VTI1A: variants seen among roughly 807,000 people sequenced by gnomAD.
The protein encoded by VTI1A is vesicle transport through interaction with t-SNAREs homolog 1A.
VTI1A carries 22 observed loss-of-function variants against 34.9 expected under a neutral mutation model. The observed-to-expected ratio is 0.63, with a 90% CI of 0.45 to 0.90. The LOEUF is 0.90. Among genes scored for constraint, VTI1A ranks in the 40% least tolerant of loss-of-function variants. The probability of loss-of-function intolerance (pLI) is 0.00; values close to 1 mark genes in which losing one functional copy is unlikely to be tolerated. For synonymous variants in VTI1A, 87 were observed against 97.3 expected (o/e 0.89, Z 0.62); for missense variants, 268 against 275.6 (o/e 0.97, Z 0.20).
intron 5 of VTI1A, among the ~76,000 whole-genome samples, chr10:112,579,411 G>A (rs1843835254): frequency 6.6e-6 from 1 of 152,098 alleles, no homozygotes; most frequent in Non-Finnish European, 1.5e-5. Context: ...TATAAAAAAT[G>A]GTGCATCTGG....
At chr10:112,547,555 G>T (rs1195424537) in intron 5 of VTI1A, among the ~76,000 whole-genome samples, 1 of 152,140 alleles carries the variant, frequency 6.6e-6, no homozygotes, top group Non-Finnish European at 1.5e-5. Context: ...TCCAGCCTGG[G>T]CAACAGAGGG....
intron 5 of VTI1A, among the ~76,000 whole-genome samples, chr10:112,602,898 A>T (rs942339279): frequency 6.6e-6 from 1 of 152,228 alleles, no homozygotes; most frequent in Non-Finnish European, 1.5e-5. Flanking sequence ...GTCACATAGA[A>T]CTACTTGAAA....
At chr10:112,709,807 C>T (rs1422882296) in intron 7 of VTI1A, among the ~76,000 whole-genome samples, 1 of 147,772 alleles carries the variant, frequency 6.8e-6, no homozygotes, top group Admixed American at 6.9e-5. Flanking sequence ...TCTTGTGCCT[C>T]GGCCTCCCAG....
At chr10:112,811,792 G>A (rs1472630536) in intron 7 of VTI1A, among the ~76,000 whole-genome samples, 1 of 151,194 alleles carries the variant, frequency 6.6e-6, no homozygotes, top group Non-Finnish European at 1.5e-5. Flanking sequence ...GGAATTCCTG[G>A]GCTCCTCGAG....
At chr10:112,583,396 A>G (rs1443039603) in intron 5 of VTI1A, among the ~76,000 whole-genome samples, 1 of 152,226 alleles carries the variant, frequency 6.6e-6, no homozygotes, top group Non-Finnish European at 1.5e-5. Flanking sequence ...CCGCTTTATC[A>G]GGAATGCGGT....
intron 7 of VTI1A, among the ~76,000 whole-genome samples, chr10:112,776,858 A>C (rs1275132629): frequency 6.6e-6 from 1 of 151,828 alleles, no homozygotes; most frequent in East Asian, 1.9e-4. Context: ...TTGTATTTTT[A>C]GTATAGACGG....
intron 3 of VTI1A, among the ~76,000 whole-genome samples, chr10:112,496,074 T>C (rs1406917801): frequency 6.6e-6 from 1 of 151,210 alleles, no homozygotes; most frequent in African/African-American, 2.4e-5. Context: ...AAAGCCTGAC[T>C]TGGCCAGGTG....
At chr10:112,795,390 T>G (rs1238629738) in intron 7 of VTI1A, among the ~76,000 whole-genome samples, 1 of 152,102 alleles carries the variant, frequency 6.6e-6, no homozygotes, top group Non-Finnish European at 1.5e-5. Flanking sequence ...TTAAATAATT[T>G]TTACCCTTGT....
At chr10:112,566,262 GC>G (rs1842009156) in intron 5 of VTI1A, among the ~76,000 whole-genome samples, 1 of 151,908 alleles carries the variant, frequency 6.6e-6, no homozygotes, top group East Asian at 1.9e-4. Flanking sequence ...ATTGAGACTA[GC>G]TAACATATAA....
At chr10:112,642,977 C>CT (rs58619611) in intron 5 of VTI1A, among the ~76,000 whole-genome samples, 70,042 of 120,968 alleles carry the variant, frequency 0.58, 21,636 homozygotes, top group Non-Finnish European at 0.69. Flanking sequence ...TTTTTCTTTT[C>CT]TTTTTTTTTT....
intron 7 of VTI1A, among the ~76,000 whole-genome samples, chr10:112,812,467 C>T (rs1368309116): frequency 3.9e-5 from 6 of 152,212 alleles, no homozygotes; most frequent in South Asian, 4.1e-4. Flanking sequence ...CAATACAGGC[C>T]GGCAGCCCCT....
chr10:112,851,170 G>C, the VTI1A span, among the ~76,000 whole-genome samples: 1 of 152,224 alleles, frequency 6.6e-6, no homozygotes, highest in East Asian at 1.9e-4. Context: ...ACTTAAGAGA[G>C]TGTGTGGGGT....
At chr10:112,833,362 G>A in the VTI1A span, among the ~76,000 whole-genome samples, 1 of 151,752 alleles carries the variant, frequency 6.6e-6, no homozygotes, top group Non-Finnish European at 1.5e-5. Context: ...CTCCTTCAAG[G>A]TTCCACCCAG....
At chr10:112,546,168 T>C (rs528242938) in intron 5 of VTI1A, among the ~76,000 whole-genome samples, 17 of 150,116 alleles carry the variant, frequency 1.1e-4, no homozygotes, top group Middle Eastern at 3.4e-3. Context: ...TGTATATATA[T>C]ACACACACAC....
chr10:112,751,286 G>C lies in VTI1A; in HGVS notation c.561-64004G>C, dbSNP rs147320663. Among the ~76,000 whole-genome samples the C allele has an allele frequency of 8.5e-5, 13 of 152,204 alleles. No individual in the cohort carries two copies. In the East Asian group the frequency reaches 2.5e-3, roughly 29 times the overall value. On this transcript the variant is annotated intron_variant, in intron 7 of 7. Transcript: ENST00000393077. ...TGCTGGGAATGTGGTGTGTGTTTTA[G>C]CAGAGACCCCAATGACCTGCCAGGG...
intron 7 of VTI1A, among the ~76,000 whole-genome samples, chr10:112,727,107 C>T (rs1190990197): frequency 6.6e-6 from 1 of 152,154 alleles, no homozygotes; most frequent in East Asian, 1.9e-4. Context: ...AGGTGAGTTG[C>T]ACGCAGTGGG....
At chr10:112,535,005 A>G (rs1160681157) in intron 4 of VTI1A, among the ~76,000 whole-genome samples, 1 of 152,200 alleles carries the variant, frequency 6.6e-6, no homozygotes, top group Non-Finnish European at 1.5e-5. Context: ...CATTTTTGAC[A>G]GAAGATTTAT....
chr10:112,538,437 G>C (rs904585749), intron 5 of VTI1A, 107 bp downstream of exon 5: 1 of 1,034,130 alleles, frequency 9.7e-7, no homozygotes, highest in Non-Finnish European at 1.5e-6. Context: ...AGCAGCCCGA[G>C]ATGTGGTTTA....
At chr10:112,747,006 G>A (rs769933474) in intron 7 of VTI1A, among the ~76,000 whole-genome samples, 1 of 152,218 alleles carries the variant, frequency 6.6e-6, no homozygotes, top group Non-Finnish European at 1.5e-5. Flanking sequence ...GACTCAGAGA[G>A]ATCCAGTCAC....
Sources: allele counts gnomAD v4.1 joint callset (sites outside exome capture counted in the v4.1 genomes callset), GRCh38; gene constraint gnomAD v4.1.1; transcripts MANE v1.5; gene names NCBI Gene and HGNC (gene_info 2026-07-23, HGNC 2026-07-21).